Variants in MLC1 observed in about 807,000 individuals in gnomAD.
MLC1 encodes the protein membrane protein MLC1.
In MLC1, 32 loss-of-function variants were observed where a neutral mutation model predicts 44.7. The observed-to-expected ratio is 0.72, with a 90% CI of 0.54 to 0.96. The LOEUF (loss-of-function observed/expected upper bound fraction) is 0.96. MLC1 is among the 40% of genes least tolerant of loss of function. The probability of loss-of-function intolerance (pLI) is 0.00; values close to 1 mark genes in which losing one functional copy is unlikely to be tolerated. For missense variants in MLC1, 459 were observed against 492.2 expected, an observed-to-expected ratio of 0.93 and a Z score of 0.64; for synonymous variants, 190 against 213.0, an observed-to-expected ratio of 0.89 and a Z score of 0.94.
Position 50,059,516 on chromosome 22 carries a change from T to C in MLC1, c.*2067A>G, listed in dbSNP as rs1282716029. 1 of 152,358 alleles carries C rather than the reference T, an allele frequency of 6.6e-6. No individual in the cohort carries two copies. The highest frequency in any genetic ancestry group is 6.5e-5 in the Admixed American group (1 of 15,288). The allele number at this position is 152,358 out of a possible 1,614,324, so 9.4% of individuals were successfully genotyped here. On this transcript the variant is annotated 3_prime_UTR_variant, in exon 12 of 12. Transcript: ENST00000311597. ...GCTCTAAAATAAGAAAATAAGAAAG[T>C]GCAAGCCAGCAAAAACGCTCCAAGT...
intron 7 of MLC1, 132 bp downstream of exon 7, chr22:50,076,709 G>A: frequency 1.1e-6 from 1 of 874,840 alleles, no homozygotes; most frequent in Non-Finnish European, 1.9e-6. Context: ...CTCCACAGAT[G>A]AGGCGCACGC....
intron 5 of MLC1, among the ~76,000 whole-genome samples, chr22:50,078,376 A>G (rs951048860): frequency 9.9e-5 from 15 of 152,240 alleles, no homozygotes; most frequent in Non-Finnish European, 1.5e-4. Context: ...ATGATGTCAT[A>G]ACAGAGCCAC....
In MLC1 at chr22:50,067,752, T is replaced by C. The variant is rs1189677601; in HGVS notation, c.894+681A>G. ...ATCCATCAGACAGTGACTCCATCCATCCATCAGACAGTGACTCCATCCCCC... is the reference window on the plus strand; with the variant it reads ...ATCCATCAGACAGTGACTCCATCCACCCATCAGACAGTGACTCCATCCCCC... On this transcript the variant is annotated intron_variant, in intron 10 of 11. Coordinates refer to ENST00000311597, the MANE Select transcript of MLC1 (RefSeq NM_015166.4). Among the ~76,000 whole-genome samples the C allele has an allele frequency of 3.1e-3, 215 of 69,398 alleles. 4 individuals carry two copies. Among genetic ancestry groups the C allele is most frequent in the Middle Eastern group, 0.013 (1 of 78 alleles). The allele number at this position is 69,398 out of a possible 152,430, so 45.5% of individuals were successfully genotyped here.
intron 5 of MLC1, among the ~76,000 whole-genome samples, chr22:50,078,339 T>C (rs1375546727): frequency 6.6e-6 from 1 of 151,970 alleles, no homozygotes. Flanking sequence ...AGAACCACAT[T>C]CAACTAAAAA....
At chr22:50,085,040 A>G (rs1462907832) in intron 1 of MLC1, 79 bp from the exon 2 acceptor site, 2 of 1,505,630 alleles carry the variant, frequency 1.3e-6, no homozygotes, top group Non-Finnish European at 1.8e-6. Flanking sequence ...TTTTTAACAA[A>G]AGAAATATTG....
intron 1 of MLC1, 159 bp from the exon 2 acceptor site, chr22:50,085,120 C>G (rs929269470): frequency 3.5e-6 from 5 of 1,427,586 alleles, no homozygotes; most frequent in African/African-American, 1.4e-5. Context: ...AAAGAAATAA[C>G]TTTCCTAGAA....
chr22:50,076,510 G>C (rs1370769888), intron 7 of MLC1, among the ~76,000 whole-genome samples: 1 of 151,352 alleles, frequency 6.6e-6, no homozygotes, highest in East Asian at 1.9e-4. Context: ...AGCTGAGATA[G>C]CACCACTGCA....
At chr22:50,068,589 C>A (rs73893124) in intron 9 of MLC1, 34 bp from the exon 10 acceptor site, 1 of 1,365,342 alleles carries the variant, frequency 7.3e-7, no homozygotes, top group South Asian at 1.1e-5. Context: ...GGACCACGGC[C>A]GGAGCCTGGG....
Position 50,074,268 on chromosome 22 carries a change from T to C in MLC1, c.662A>G (p.Asp221Gly). ...LGGIIALNVD[D>G]SVSGPHLSVT... is the part of the protein sequence containing the mutation. ...TGAGAGGTGTGGGCCTGAAACTGAG[T>C]CATCCACGTTCAGGGCAATGATCCC... Residue 221 changes from aspartate to glycine, a missense_variant, in exon 8 of 12, where the codon GAC (aspartate) becomes GGC (glycine). Asp to Gly is a moderately conservative substitution (Grantham distance 94). Coordinates refer to ENST00000311597, the MANE Select transcript of MLC1 (RefSeq NM_015166.4). The C allele has an allele frequency of 6.2e-7, 1 of 1,613,828 alleles. No homozygotes were observed. The highest frequency in any genetic ancestry group is 1.1e-5 in the South Asian group (1 of 91,038).
Position 50,061,606 on chromosome 22 carries a change from C to T in MLC1, c.1111G>A (p.Val371Ile), listed in dbSNP as rs200273593. 23 of 1,613,730 alleles carry T rather than the reference C, an allele frequency of 1.4e-5. No homozygotes were observed. Among genetic ancestry groups the T allele is most frequent in the Non-Finnish European group, 1.7e-5 (20 of 1,180,010 alleles). ...GGTCACTGGGCCATTTGCACCACGA[C>T]GGCTCTCCAGGCTTTCTCCTTGTCG... Reference protein sequence around the residue: ...EFDKEKAWRAVVVQMAQ With the variant: ...EFDKEKAWRAIVVQMAQ Residue 371 changes from valine to isoleucine, a missense_variant, in exon 12 of 12, where the codon GTC (valine) becomes ATC (isoleucine). By Grantham distance (29) the Val-to-Ile change is conservative (BLOSUM62 3). Transcript: ENST00000311597.
At chr22:50,082,596 A>G (rs1037371553) in intron 3 of MLC1, among the ~76,000 whole-genome samples, 7 of 152,238 alleles carry the variant, frequency 4.6e-5, no homozygotes, top group African/African-American at 1.7e-4. Flanking sequence ...GGCCTGCTTC[A>G]TCAGTAATTC....
At chr22:50,076,598 C>T (rs1377030168) in intron 7 of MLC1, among the ~76,000 whole-genome samples, 1 of 152,040 alleles carries the variant, frequency 6.6e-6, no homozygotes, top group Non-Finnish European at 1.5e-5. Context: ...TGTCAACTCA[C>T]CTACGGCAGT....
At chr22:50,079,768 T>C (rs2062072216) in intron 5 of MLC1, 150 bp downstream of exon 5, 7 of 726,952 alleles carry the variant, frequency 9.6e-6, no homozygotes, top group Admixed American at 3.8e-5. Flanking sequence ...TTATTTTCTT[T>C]GGATGCATAA....
At chr22:50,067,962 AC>A (rs1438915761) in intron 10 of MLC1, among the ~76,000 whole-genome samples, 17,137 of 149,504 alleles carry the variant, frequency 0.11, 1,161 homozygotes, top group South Asian at 0.22. Flanking sequence ...AAAAAAAAAA[AC>A]AAAAAAACAA....
chr22:50,066,009 G>A (rs1016275884), intron 10 of MLC1, among the ~76,000 whole-genome samples: 13 of 152,146 alleles, frequency 8.5e-5, no homozygotes, highest in African/African-American at 3.1e-4. Context: ...CTTGGGTATC[G>A]AGAAAACACC....
chr22:50,059,810 C>G lies in MLC1; in HGVS notation c.*1773G>C, dbSNP rs80312581. On this transcript the variant is annotated 3_prime_UTR_variant, in exon 12 of 12. Transcript: ENST00000311597. Reference sequence around the variant, plus strand: ...CCTGACTGTGTCCTTCCGGAGCTGCCGAGGACTGCAGAGAGGGCCTGGCTT... The same window carrying G: ...CCTGACTGTGTCCTTCCGGAGCTGCGGAGGACTGCAGAGAGGGCCTGGCTT... The G allele has an allele frequency of 9.5e-3, 1,443 of 152,448 alleles. 14 individuals are homozygous for G. Among genetic ancestry groups the G allele is most frequent in the Non-Finnish European group, 0.015 (995 of 68,044 alleles). 9.4% of individuals were successfully genotyped at this position (152,448 alleles called of 1,614,324 possible).
At chr22:50,077,029 C>A in intron 6 of MLC1, 117 bp from the exon 7 acceptor site, 1 of 1,031,400 alleles carries the variant, frequency 9.7e-7, no homozygotes, top group Non-Finnish European at 1.5e-6. Flanking sequence ...GATGCGAGAC[C>A]GCCTTGGAGG....
At chr22:50,082,316 C>T (rs1468234486) in intron 3 of MLC1, among the ~76,000 whole-genome samples, 1 of 152,248 alleles carries the variant, frequency 6.6e-6, no homozygotes, top group Admixed American at 6.5e-5. Flanking sequence ...GGTGCTCTAG[C>T]TGCCGGGACG....
chr22:50,073,037 C>T (rs1469037048), intron 8 of MLC1, among the ~76,000 whole-genome samples: 1 of 151,618 alleles, frequency 6.6e-6, no homozygotes, highest in Admixed American at 6.6e-5. Flanking sequence ...GCAGTCCACC[C>T]GGCCACACCG....
Sources: allele counts gnomAD v4.1 joint callset (sites outside exome capture counted in the v4.1 genomes callset), GRCh38; gene constraint gnomAD v4.1.1; transcripts MANE v1.5; gene names NCBI Gene and HGNC (gene_info 2026-07-23, HGNC 2026-07-21).